The following KLF13 variants were observed in gnomAD, a reference collection of about 807,000 sequenced individuals.
The protein encoded by KLF13 is Krueppel-like factor 13.
A neutral mutation model predicts 16.7 loss-of-function variants in KLF13; 8 were observed. The ratio of observed to expected loss-of-function variants is 0.48; its 90% CI spans 0.28 to 0.87. The LOEUF is 0.87. Ranked by LOEUF, KLF13 falls within the 40% of genes least tolerant of loss-of-function variation. KLF13 has a pLI of 0.10. For synonymous variants in KLF13, 245 were observed against 208.4 expected, an observed-to-expected ratio of 1.18 and a Z score of -1.51; for missense variants, 447 against 452.2, an observed-to-expected ratio of 0.99 and a Z score of 0.10.
chr15:31,423,130 T>TAC (rs2040355515), intron 1 of KLF13, among the ~76,000 whole-genome samples: 2 of 108,680 alleles, frequency 1.8e-5, no homozygotes, highest in African/African-American at 4.9e-5. Context: ...TACGTATATA[T>TAC]ACGTATACGT....
downstream of KLF13, among the ~76,000 whole-genome samples, chr15:31,382,063 G>A (rs962678947): frequency 4.2e-4 from 64 of 152,232 alleles, no homozygotes; most frequent in African/African-American, 1.5e-3. Context: ...TCCCAGTGGT[G>A]TGCGAGATGT....
intron 1 of KLF13, among the ~76,000 whole-genome samples, chr15:31,430,592 C>T (rs533695577): frequency 6.6e-6 from 1 of 152,190 alleles, no homozygotes; most frequent in Non-Finnish European, 1.5e-5. Flanking sequence ...ATTCACTCTG[C>T]CCTCGTGGCC....
intron 1 of KLF13, among the ~76,000 whole-genome samples, chr15:31,330,090 A>T (rs1333373500): frequency 6.6e-6 from 1 of 152,210 alleles, no homozygotes; most frequent in African/African-American, 2.4e-5. Context: ...GCAGAGCATA[A>T]GTAACTGGTG....
chr15:31,423,142 T>TGTATAC (rs2040358198), intron 1 of KLF13, among the ~76,000 whole-genome samples: 1 of 101,854 alleles, frequency 9.8e-6, no homozygotes, highest in African/African-American at 7.6e-5. Context: ...CGTATACGTA[T>TGTATAC]ACGTATATAT....
chr15:31,345,311 T>C (rs949952373), intron 1 of KLF13, among the ~76,000 whole-genome samples: 39 of 152,184 alleles, frequency 2.6e-4, no homozygotes, highest in Admixed American at 1.2e-3. Context: ...TTTCTGTCCC[T>C]TGAGGGCGTG....
Position 31,372,260 on chromosome 15 carries a change from C to T in KLF13, c.828C>T (p.Asp276=), listed in dbSNP as rs773452706. 9.8e-6 allele frequency: 15 copies of T among 1,533,474 alleles called. No individual in the cohort carries two copies. The highest frequency in any genetic ancestry group is 4.9e-5 in the South Asian group (4 of 82,300). The allele number at this position is 1,533,474 out of a possible 1,614,324, so 95.0% of individuals were successfully genotyped here. The part of the protein sequence containing the change: ...TGSLSDYSRS[D]ASSPTISPAS... ...CCCTCAGCGACTACAGCCGCTCCGA[C>T]GCCAGCAGCCCCACCATCAGCCCGG... The change falls in exon 2 of 2, where the codon GAC becomes GAT. Residue 276 remains aspartate (D), a synonymous_variant. Transcript: ENST00000307145.
At chr15:31,350,650 AC>A (rs1210758816) in intron 1 of KLF13, among the ~76,000 whole-genome samples, 1 of 152,060 alleles carries the variant, frequency 6.6e-6, no homozygotes, top group African/African-American at 2.4e-5. Flanking sequence ...GCCCAACTTC[AC>A]CCCCTTTTTT....
chr15:31,413,883 A>G (rs529682746), intron 1 of KLF13, among the ~76,000 whole-genome samples: 12 of 152,340 alleles, frequency 7.9e-5, no homozygotes, highest in African/African-American at 2.6e-4. Context: ...ACTTATTTTA[A>G]AAGCAATTAT....
intron 1 of KLF13, among the ~76,000 whole-genome samples, chr15:31,337,437 G>A (rs764528314): frequency 3.9e-5 from 6 of 152,178 alleles, no homozygotes; most frequent in East Asian, 3.9e-4. Flanking sequence ...TTTCCAGAGC[G>A]CCCTTTTTTT....
chr15:31,400,006 A>G (rs1372232865), intron 2 of KLF13, among the ~76,000 whole-genome samples: 1 of 152,156 alleles, frequency 6.6e-6, no homozygotes, highest in Non-Finnish European at 1.5e-5. Context: ...AGGGAGGGTG[A>G]CTCAAACCCT....
chr15:31,380,791 G>A (rs117669569), downstream of KLF13, among the ~76,000 whole-genome samples: 2,802 of 152,330 alleles, frequency 0.018, 52 homozygotes, highest in Non-Finnish European at 0.029. Context: ...TTCCTCCACC[G>A]TTACGCATCA....
At chr15:31,327,876 G>T (rs2038746676) in intron 1 of KLF13, 87 bp downstream of exon 1, 3 of 1,191,586 alleles carry the variant, frequency 2.5e-6, no homozygotes, top group African/African-American at 1.6e-5. Context: ...CCGATGGGGC[G>T]CGAGGTGGGG....
Position 31,329,794 on chromosome 15 carries a change from C to T in KLF13, c.577+2005C>T, listed in dbSNP as rs74010612. On this transcript the variant is annotated intron_variant, in intron 1 of 1. Transcript: ENST00000307145. Reference sequence around the variant, plus strand: ...CTATTCCACCCTTCAGGTGTGCAGACATCAGAAGTCCTACCTCCAGGGTGG... The same window carrying T: ...CTATTCCACCCTTCAGGTGTGCAGATATCAGAAGTCCTACCTCCAGGGTGG... Among the ~76,000 whole-genome samples the T allele has an allele frequency of 3.5e-3, 529 of 152,250 alleles. 4 individuals carry two copies. Among genetic ancestry groups the T allele is most frequent in the African/African-American group, 0.012 (516 of 41,536 alleles).
intron 1 of KLF13, chr15:31,420,577 G>A (rs1310917764): frequency 3.2e-5 from 15 of 465,484 alleles, no homozygotes; most frequent in African/African-American, 2.8e-4. Flanking sequence ...CTTTGAACAT[G>A]CATGCTGTTG....
intron 1 of KLF13, among the ~76,000 whole-genome samples, chr15:31,393,423 T>G (rs1243303834): frequency 2.6e-5 from 3 of 114,396 alleles, no homozygotes; most frequent in African/African-American, 3.7e-5. Flanking sequence ...CCCCGGCCCG[T>G]CCCCCCCCCG....
intron 1 of KLF13, among the ~76,000 whole-genome samples, chr15:31,382,907 G>T (rs2039745206): frequency 6.6e-6 from 1 of 152,212 alleles, no homozygotes; most frequent in Non-Finnish European, 1.5e-5. Flanking sequence ...ATAGGCCCAA[G>T]GAGCTCAGTC....
intron 1 of KLF13, among the ~76,000 whole-genome samples, chr15:31,363,330 T>C (rs1263811303): frequency 6.6e-6 from 1 of 152,262 alleles, no homozygotes; most frequent in Non-Finnish European, 1.5e-5. Context: ...ATATTTTTCT[T>C]TTTAAAATTC....
intron 2 of KLF13, chr15:31,403,287 A>G (rs1003526030): frequency 6.6e-6 from 1 of 152,256 alleles, no homozygotes; most frequent in African/African-American, 2.4e-5. Flanking sequence ...ACTGGCAAAT[A>G]ATCGATGAAT....
intron 1 of KLF13, among the ~76,000 whole-genome samples, chr15:31,410,332 A>G: frequency 6.6e-6 from 1 of 152,092 alleles, no homozygotes; most frequent in East Asian, 1.9e-4. Flanking sequence ...AAGGAAAGAT[A>G]AAAAAGTACA....
Sources: allele counts gnomAD v4.1 joint callset (sites outside exome capture counted in the v4.1 genomes callset), GRCh38; gene constraint gnomAD v4.1.1; transcripts MANE v1.5; gene names NCBI Gene and HGNC (gene_info 2026-07-23, HGNC 2026-07-21).